The following C2CD4C variants were observed in gnomAD, a reference collection of about 807,000 sequenced individuals.
The protein encoded by C2CD4C is C2 calcium dependent domain containing 4C.
Under a neutral mutation model 4.1 loss-of-function variants are expected in C2CD4C, and 3 were observed. The ratio of observed to expected loss-of-function variants is 0.73; its 90% confidence interval spans 0.33 to 1.88. The LOEUF (loss-of-function observed/expected upper bound fraction) is 1.88, where lower values mean the gene tolerates loss of function less well. Among genes scored for constraint, C2CD4C ranks in the 40% most tolerant of loss-of-function variants. The pLI is 0.08. For synonymous variants in C2CD4C, 364 were observed against 290.4 expected, an observed-to-expected ratio of 1.25 and a Z score of -2.57; for missense variants, 664 against 621.5, an observed-to-expected ratio of 1.07 and a Z score of -0.73.
In C2CD4C at chr19:407,417, G is replaced by T; in HGVS notation, c.945C>A (p.Tyr315Ter). Residue 315 changes from tyrosine to a stop codon, truncating the protein, a stop_gained, in exon 2 of 2, where the codon TAC becomes TAA. Transcript: ENST00000332235. LOFTEE classifies it high-confidence loss of function. ...CCCGCAGGCGGGCCTGGCCGGCCTC[G>T]TACTCGGCCAGCAGCCGCACGCTGC... ...PRGSVRLLAE[Y>*]EAGQARLRVH... 6.6e-7 allele frequency: 1 copy of T among 1,523,966 alleles called. No individual in the cohort carries two copies. 94.4% of individuals were successfully genotyped at this position (1,523,966 alleles called of 1,614,324 possible).
In C2CD4C at chr19:406,944, G is replaced by A. The variant is rs1333809394; in HGVS notation, c.*152C>T. On this transcript the variant is annotated 3_prime_UTR_variant, in exon 2 of 2. Coordinates refer to ENST00000332235, the MANE Select transcript of C2CD4C (RefSeq NM_001136263.2). ...GGGTGACCCAGGAAACCCTGCGTCA[G>A]CTACAGCATCAGCGCCCAGCCCAGC... 1.8e-6 allele frequency: 1 copy of A among 568,852 alleles called. No individual in the cohort carries two copies. Among genetic ancestry groups the A allele is most frequent in the Non-Finnish European group, 3.0e-6 (1 of 334,142 alleles). The allele number at this position is 568,852 out of a possible 1,614,324, so 35.2% of individuals were successfully genotyped here. A position where few individuals can be genotyped will look rare whatever the true frequency, so the allele number is the denominator to read the frequency against.
chr19:406,213 C>G lies in C2CD4C; in HGVS notation c.*883G>C, dbSNP rs1600254813. On this transcript the variant is annotated 3_prime_UTR_variant, in exon 2 of 2. Coordinates refer to ENST00000332235, the MANE Select transcript of C2CD4C (RefSeq NM_001136263.2). Reference sequence around the variant, plus strand: ...GTCAATCACTGCGTGTCGCTCCCAGCTGCAGACGCTGGACAAAAGGGCGAC... The same window carrying G: ...GTCAATCACTGCGTGTCGCTCCCAGGTGCAGACGCTGGACAAAAGGGCGAC... 1 of 152,292 alleles carries G rather than the reference C, an allele frequency of 6.6e-6. No individual in the cohort carries two copies. Among genetic ancestry groups the G allele is most frequent in the Non-Finnish European group, 1.5e-5 (1 of 68,074 alleles). The allele number at this position is 152,292 out of a possible 1,614,324, so 9.4% of individuals were successfully genotyped here.
chr19:407,789 G>T lies in C2CD4C; in HGVS notation c.573C>A (p.Asn191Lys), dbSNP rs1473213856. 6 of 1,528,248 alleles carry T rather than the reference G, an allele frequency of 3.9e-6. No homozygotes were observed. Among genetic ancestry groups the T allele is most frequent in the Non-Finnish European group, 5.3e-6 (6 of 1,137,338 alleles). The allele number at this position is 1,528,248 out of a possible 1,614,324, so 94.7% of individuals were successfully genotyped here. A position where few individuals can be genotyped will look rare whatever the true frequency, so the allele number is the denominator to read the frequency against. ...AGRRRAAAKA[N>K]GGDGGPREAG... ...CCTCCCTGGGGCCCCCATCACCCCC[G>T]TTGGCCTTGGCAGCTGCCCGGCGGC... Residue 191 changes from asparagine (N) to lysine (K), a missense_variant, in exon 2 of 2, where the codon AAC becomes AAA. Physicochemically the swap from Asn to Lys is moderately conservative, Grantham distance 94. Transcript: ENST00000332235.
chr19:407,320 G>A lies in C2CD4C; in HGVS notation c.1042C>T (p.Leu348=). The change falls in exon 2 of 2, where the codon CTG becomes TTG. Residue 348 remains leucine, a synonymous_variant. Transcript: ENST00000332235. ...DARSINCCVG[L]CLVPGKLQKQ... is the part of the protein sequence containing the mutation. ...TGCAGCTTGCCCGGCACCAGGCACA[G>A]GCCCACGCAGCAGTTGATGCTGCGG... The A allele has an allele frequency of 1.9e-6, 3 of 1,549,390 alleles. No homozygotes were observed. The highest frequency in any genetic ancestry group is 2.6e-6 in the Non-Finnish European group (3 of 1,146,792).
chr19:408,528 G>A (rs933755786), intron 1 of C2CD4C, 127 bp from the exon 2 acceptor site: 10 of 625,408 alleles, frequency 1.6e-5, no homozygotes, highest in African/African-American at 3.9e-5. Flanking sequence ...TCCCCTGGGG[G>A]CGTCCCGCCC....
In C2CD4C at chr19:405,689, C is replaced by CGCCCTGGGT. The variant is rs1339730394; in HGVS notation, c.*1398_*1406dup. 6.6e-6 allele frequency: 1 copy of CGCCCTGGGT among 152,186 alleles called. No homozygotes were observed. The highest frequency in any genetic ancestry group is 2.4e-5 in the African/African-American group (1 of 41,420). 9.4% of individuals were successfully genotyped at this position (152,186 alleles called of 1,614,324 possible). ...CCGCCTCCCCGGCCTGAGGAGCCTC[C>CGCCCTGGGT]GCCCTGGGTGCCCTGGCTTCCGGGA... On this transcript the variant is annotated 3_prime_UTR_variant, in exon 2 of 2. Transcript: ENST00000332235.
rs1363179059 is a variant in C2CD4C, at chr19:405,975, TG to T, written c.*1120del. The T allele has an allele frequency of 6.6e-6, 1 of 152,292 alleles. No individual in the cohort carries two copies. Among genetic ancestry groups the T allele is most frequent in the Non-Finnish European group, 1.5e-5 (1 of 68,102 alleles). 9.4% of individuals were successfully genotyped at this position (152,292 alleles called of 1,614,324 possible). On this transcript the variant is annotated 3_prime_UTR_variant, in exon 2 of 2. Transcript: ENST00000332235. ...GAGAGGCGAAGGCACTGGCCTGGCC[TG>T]GCCCCTGCTTTGAGTCTTATCATTT...
chr19:407,189 C>T lies in C2CD4C; in HGVS notation c.1173G>A (p.Arg391=). Residue 391 remains arginine, a synonymous_variant, in exon 2 of 2, where the codon AGG becomes AGA. Transcript: ENST00000332235. The part of the protein sequence containing the change: ...GPASVRKLAL[R]IKVVNKGSSL... ...TGCTGCCCTTGTTCACCACCTTGATCCTGAGGGCCAGTTTCCGGACGCTGG... is the reference window on the plus strand; with the variant it reads ...TGCTGCCCTTGTTCACCACCTTGATTCTGAGGGCCAGTTTCCGGACGCTGG... 6.5e-7 allele frequency: 1 copy of T among 1,550,234 alleles called. No homozygotes were observed. The highest frequency in any genetic ancestry group is 8.7e-7 in the Non-Finnish European group (1 of 1,146,870).
rs1974019954 is a variant in C2CD4C, at chr19:407,938, G to A, written c.424C>T (p.Pro142Ser). The stretch of plus-strand genomic sequence containing the variant: ...AAGCCGTAGGACGTCTGGGCCTTGG[G>A]CACCGAGGGCAGGGACATGGCACCC... ...AQGAMSLPSV[P>S]KAQTSYGFAM... Residue 142 changes from proline to serine, a missense_variant, in exon 2 of 2, where the codon CCC becomes TCC. Physicochemically the swap from Pro to Ser is moderately conservative, Grantham distance 74. Coordinates refer to ENST00000332235, the MANE Select transcript of C2CD4C (RefSeq NM_001136263.2). 8 of 1,548,586 alleles carry A rather than the reference G, an allele frequency of 5.2e-6. No homozygotes were observed. The highest frequency in any genetic ancestry group is 6.1e-6 in the Non-Finnish European group (7 of 1,146,324).
Position 407,657 on chromosome 19 carries a change from G to T in C2CD4C, c.705C>A (p.Ser235=). 6.6e-7 allele frequency: 1 copy of T among 1,509,324 alleles called. No individual in the cohort carries two copies. Among genetic ancestry groups the T allele is most frequent in the Non-Finnish European group, 8.9e-7 (1 of 1,128,448 alleles). The allele number at this position is 1,509,324 out of a possible 1,614,324, so 93.5% of individuals were successfully genotyped here. Residue 235 remains serine (S), a synonymous_variant, in exon 2 of 2, where the codon TCC becomes TCA. Transcript: ENST00000332235. ...GGGCGAAACCTTTGAGCAGAGACAC[G>T]GAGCGGGACAGCAGAGGGGACCCGA... ...SPFGSPLLSR[S]VSLLKGFAQD...
At position 408,266 on chromosome 19, in the gene C2CD4C, G is replaced by T; in HGVS notation, c.96C>A (p.Ala32=). The T allele has an allele frequency of 6.6e-7, 1 of 1,508,856 alleles. No homozygotes were observed. Among genetic ancestry groups the T allele is most frequent in the Non-Finnish European group, 8.8e-7 (1 of 1,131,132 alleles). 93.5% of individuals were successfully genotyped at this position (1,508,856 alleles called of 1,614,324 possible). A position where few individuals can be genotyped will look rare whatever the true frequency, so the allele number is the denominator to read the frequency against. Residue 32 remains alanine (A), a synonymous_variant, in exon 2 of 2, where the codon GCC becomes GCA. Coordinates refer to ENST00000332235, the MANE Select transcript of C2CD4C (RefSeq NM_001136263.2). ...RGVGSEAGDK[A]SKGPLYSNVL... ...CATTGCTGTACAGGGGCCCCTTGGAGGCCTTGTCCCCCGCCTCACTCCCCA... is the reference window on the plus strand; with the variant it reads ...CATTGCTGTACAGGGGCCCCTTGGATGCCTTGTCCCCCGCCTCACTCCCCA...
chr19:408,522 C>G, intron 1 of C2CD4C, 121 bp from the exon 2 acceptor site: 1 of 626,342 alleles, frequency 1.6e-6, no homozygotes, highest in Non-Finnish European at 2.6e-6. Flanking sequence ...GAGGGGTCCC[C>G]TGGGGGCGTC....
Position 407,323 on chromosome 19 carries a change from C to T in C2CD4C, c.1039G>A (p.Gly347Ser), listed in dbSNP as rs1294285309. The change falls in exon 2 of 2, where the codon GGC (glycine) becomes AGC (serine). Residue 347 changes from glycine to serine, a missense_variant. Coordinates refer to ENST00000332235, the MANE Select transcript of C2CD4C (RefSeq NM_001136263.2). ...CDARSINCCV[G>S]LCLVPGKLQK... ...AGCTTGCCCGGCACCAGGCACAGGCCCACGCAGCAGTTGATGCTGCGGGCG... is the reference window on the plus strand; with the variant it reads ...AGCTTGCCCGGCACCAGGCACAGGCTCACGCAGCAGTTGATGCTGCGGGCG... The T allele has an allele frequency of 1.3e-6, 2 of 1,549,334 alleles. No individual in the cohort carries two copies. The highest frequency in any genetic ancestry group is 1.7e-6 in the Non-Finnish European group (2 of 1,146,772).
chr19:407,363 G>T lies in C2CD4C; in HGVS notation c.999C>A (p.Tyr333Ter). ...TGCTGCGGGCGTCGCACAGGCGGTC[G>T]TAGAGGCCCTCGGCGGCCAGCAGGT... ...RVHLLAAEGL[Y>*]DRLCDARSIN... Residue 333 changes from tyrosine (Y) to a stop codon, truncating the protein, a stop_gained, in exon 2 of 2, where the codon TAC becomes TAA. Coordinates refer to ENST00000332235, the MANE Select transcript of C2CD4C (RefSeq NM_001136263.2). LOFTEE classifies it high-confidence loss of function. The T allele has an allele frequency of 6.5e-7, 1 of 1,543,820 alleles. No individual in the cohort carries two copies. Among genetic ancestry groups the T allele is most frequent in the Non-Finnish European group, 8.7e-7 (1 of 1,146,370 alleles).
Position 406,655 on chromosome 19 carries a change from A to G in C2CD4C, c.*441T>C, listed in dbSNP as rs72988457. ...GGCAGGCTGTGGGGGAGGAAGACAC[A>G]CGTGCAGTGAAGGAGACTGTGGGCT... is the stretch of plus-strand genomic sequence containing the variant. On this transcript the variant is annotated 3_prime_UTR_variant, in exon 2 of 2. Transcript: ENST00000332235. 8,936 of 157,674 alleles carry G rather than the reference A, an allele frequency of 0.057. 345 individuals carry two copies. Among genetic ancestry groups the G allele is most frequent in the East Asian group, 0.18 (936 of 5,264 alleles). 9.8% of individuals were successfully genotyped at this position (157,674 alleles called of 1,614,324 possible). A position where few individuals can be genotyped will look rare whatever the true frequency, so the allele number is the denominator to read the frequency against.
chr19:407,643 T>C lies in C2CD4C; in HGVS notation c.719A>G (p.Lys240Arg), dbSNP rs913255100. The change falls in exon 2 of 2, where the codon AAA becomes AGA. Residue 240 changes from lysine (K) to arginine (R), a missense_variant. Lys to Arg is a conservative substitution (Grantham distance 26, BLOSUM62 2). Transcript: ENST00000332235. ...GGCCTGGCTGTCCTGGGCGAAACCT[T>C]TGAGCAGAGACACGGAGCGGGACAG... is the stretch of plus-strand genomic sequence containing the variant. ...PLLSRSVSLL[K>R]GFAQDSQAKV... 2 of 1,492,798 alleles carry C rather than the reference T, an allele frequency of 1.3e-6. No homozygotes were observed. Among genetic ancestry groups the C allele is most frequent in the Admixed American group, 2.4e-5 (1 of 41,904 alleles). 92.5% of individuals were successfully genotyped at this position (1,492,798 alleles called of 1,614,324 possible).
At position 408,184 on chromosome 19, in the gene C2CD4C, G is replaced by T. The variant is rs866466711; in HGVS notation, c.178C>A (p.Pro60Thr). The T allele has an allele frequency of 1.4e-6, 2 of 1,451,842 alleles. No homozygotes were observed. The highest frequency in any genetic ancestry group is 1.5e-5 in the African/African-American group (1 of 67,974). 89.9% of individuals were successfully genotyped at this position (1,451,842 alleles called of 1,614,324 possible). Residue 60 changes from proline (P) to threonine (T), a missense_variant, in exon 2 of 2, where the codon CCC becomes ACC. Physicochemically the swap from Pro to Thr is conservative, Grantham distance 38. Coordinates refer to ENST00000332235, the MANE Select transcript of C2CD4C (RefSeq NM_001136263.2). ...GCGGCCTGTCCCTCGCCCTCCGCGG[G>T]GCCCGAGGGCAGCTTGGGGGGGATG... ...FFIPPKLPSG[P>T]AEGEGQAALG...
chr19:406,295 C>G lies in C2CD4C; in HGVS notation c.*801G>C, dbSNP rs1284110740. The G allele has an allele frequency of 1.3e-5, 2 of 152,272 alleles. No individual in the cohort carries two copies. The highest frequency in any genetic ancestry group is 4.8e-5 in the African/African-American group (2 of 41,478). The allele number at this position is 152,272 out of a possible 1,614,324, so 9.4% of individuals were successfully genotyped here. ...CCATAGGGCTGCTCTCTGGGCATCT[C>G]TGAGCAAGACCCTCCGGCGCCACAG... On this transcript the variant is annotated 3_prime_UTR_variant, in exon 2 of 2. Transcript: ENST00000332235.
chr19:407,547 G>T lies in C2CD4C; in HGVS notation c.815C>A (p.Ala272Asp). The change falls in exon 2 of 2, where the codon GCC (alanine) becomes GAC (aspartate). Residue 272 changes from alanine to aspartate, a missense_variant. Transcript: ENST00000332235. ...SLSADDSTPD[A>D]SPGSRRRLTR... ...CAGGCGGCGCCGGCTCCCGGGGCTG[G>T]CGTCCGGGGTGCTGTCGTCCGCAGA... The T allele has an allele frequency of 7.2e-7, 1 of 1,392,644 alleles. No homozygotes were observed. Among genetic ancestry groups the T allele is most frequent in the Non-Finnish European group, 9.3e-7 (1 of 1,074,054 alleles). 86.3% of individuals were successfully genotyped at this position (1,392,644 alleles called of 1,614,324 possible).
Sources: gnomAD v4.1 joint callset for allele counts on GRCh38, gnomAD v4.1.1 for gene constraint, MANE v1.5 for transcripts, NCBI Gene and HGNC (gene_info 2026-07-23, HGNC 2026-07-21) for gene names.